Variants in COX19 observed in about 807,000 individuals in gnomAD.
COX19 encodes cytochrome c oxidase assembly factor COX19, also known as cytochrome c oxidase assembly protein COX19.
Under a neutral mutation model 6.8 loss-of-function variants are expected in COX19, and 8 were observed. The ratio of observed to expected loss-of-function variants is 1.18; its 90% confidence interval spans 0.69 to 2.12. The LOEUF (loss-of-function observed/expected upper bound fraction) is 2.12, where lower values mean the gene tolerates loss of function less well. Among genes scored for constraint, COX19 ranks in the 30% most tolerant of loss-of-function variants. COX19 has a pLI of 0.00. For synonymous variants in COX19, 51 were observed against 38.0 expected, an observed-to-expected ratio of 1.34 and a Z score of -1.26; for missense variants, 131 against 104.6, an observed-to-expected ratio of 1.25 and a Z score of -1.10.
chr7:975,277 C>T, intron 1 of COX19, 151 bp downstream of exon 1: 3 of 599,050 alleles, frequency 5.0e-6, no homozygotes, highest in East Asian at 6.8e-5. Context: ...CAGCAGTGAC[C>T]CAGGGCTGGG....
intron 2 of COX19, among the ~76,000 whole-genome samples, chr7:971,917 C>A (rs1452649810): frequency 6.6e-6 from 1 of 152,162 alleles, no homozygotes; most frequent in Non-Finnish European, 1.5e-5. Flanking sequence ...AATCAGAACA[C>A]ATGCCCTGAA....
chr7:972,969 C>T (rs1315032351), intron 2 of COX19: 5 of 340,710 alleles, frequency 1.5e-5, no homozygotes, highest in Admixed American at 4.8e-5. Flanking sequence ...ATAACGCTAT[C>T]GCTCAAGAAG....
chr7:972,005 C>T (rs527964715), intron 2 of COX19, among the ~76,000 whole-genome samples: 1 of 152,320 alleles, frequency 6.6e-6, no homozygotes, highest in African/African-American at 2.4e-5. Flanking sequence ...CCCAGCTGTC[C>T]TCGGGAGTCT....
chr7:975,478 C>G lies in COX19; in HGVS notation c.32G>C (p.Ser11Thr). Residue 11 changes from serine (S) to threonine (T), a missense_variant, in exon 1 of 3, where the codon AGC (serine) becomes ACC (threonine). Transcript: ENST00000344111. MSTAMNFGTK[S>T]FQPRPPDKGS... is the part of the protein sequence containing the mutation. ...CTTGTCCGGGGGCCGCGGCTGGAAG[C>G]TCTTGGTCCCGAAATTCATGGCGGT... 6.2e-7 allele frequency: 1 copy of G among 1,603,108 alleles called. No individual in the cohort carries two copies. Among genetic ancestry groups the G allele is most frequent in the South Asian group, 1.1e-5 (1 of 89,544 alleles).
chr7:973,020 T>A (rs749648876), intron 2 of COX19, 161 bp downstream of exon 2: 1 of 413,248 alleles, frequency 2.4e-6, no homozygotes, highest in African/African-American at 2.1e-5. Context: ...TACAATTTCA[T>A]CTGATAAGCC....
chr7:975,441 C>G lies in COX19; in HGVS notation c.69G>C (p.Pro23=). 6.3e-7 allele frequency: 1 copy of G among 1,597,354 alleles called. No individual in the cohort carries two copies. The highest frequency in any genetic ancestry group is 8.5e-7 in the Non-Finnish European group (1 of 1,173,812). Residue 23 remains proline, a synonymous_variant, in exon 1 of 3, where the codon CCG becomes CCC. Coordinates refer to ENST00000344111, the MANE Select transcript of COX19 (RefSeq NM_001031617.3). The part of the protein sequence containing the change: ...QPRPPDKGSF[P]LDHLGECKSF... ...TCCGCCGCTCACCTAAGTGATCCAGCGGGAAGCTGCCCTTGTCCGGGGGCC... is the reference window on the plus strand; with the variant it reads ...TCCGCCGCTCACCTAAGTGATCCAGGGGGAAGCTGCCCTTGTCCGGGGGCC...
At chr7:973,395 C>T (rs1303754880) in intron 1 of COX19, 103 bp from the exon 2 acceptor site, 33 of 1,381,308 alleles carry the variant, frequency 2.4e-5, no homozygotes, top group Middle Eastern at 2.0e-4. Flanking sequence ...AAACTTGTTT[C>T]CTCAGGCCGG....
chr7:969,550 C>T, intron 2 of COX19, 94 bp from the exon 3 acceptor site: 1 of 798,432 alleles, frequency 1.3e-6, no homozygotes, highest in Non-Finnish European at 2.1e-6. Flanking sequence ...CACCGGGGGT[C>T]CTGCCACCTC....
intron 1 of COX19, among the ~76,000 whole-genome samples, chr7:974,327 C>T (rs945653204): frequency 3.3e-5 from 5 of 150,592 alleles, no homozygotes; most frequent in Admixed American, 1.3e-4. Flanking sequence ...GAGGATGAGA[C>T]GGGAGACTCC....
Position 967,111 on chromosome 7 carries a change from G to A in COX19, c.*2267C>T, listed in dbSNP as rs950695258. ...AGATGCCGAGGTTGCTAAGATCTCC[G>A]GTAAGAACACAGTGCCCATCTGTGA... On this transcript the variant is annotated 3_prime_UTR_variant, in exon 3 of 3. Transcript: ENST00000344111. The A allele has an allele frequency of 1.3e-5, 2 of 152,186 alleles. No individual in the cohort carries two copies. Among genetic ancestry groups the A allele is most frequent in the East Asian group, 1.9e-4 (1 of 5,202 alleles). The allele number at this position is 152,186 out of a possible 1,614,324, so 9.4% of individuals were successfully genotyped here.
chr7:972,081 C>T (rs1407189902), intron 2 of COX19, among the ~76,000 whole-genome samples: 1 of 152,178 alleles, frequency 6.6e-6, no homozygotes, highest in Non-Finnish European at 1.5e-5. Context: ...GCTCAATTCA[C>T]ACCGTCTCTA....
Position 975,444 on chromosome 7 carries a change from G to A in COX19, c.66C>T (p.Phe22=). 1 of 1,598,490 alleles carries A rather than the reference G, an allele frequency of 6.3e-7. No individual in the cohort carries two copies. Among genetic ancestry groups the A allele is most frequent in the Non-Finnish European group, 8.5e-7 (1 of 1,174,280 alleles). The change falls in exon 1 of 3, where the codon TTC becomes TTT. Residue 22 remains phenylalanine (F), a synonymous_variant. Coordinates refer to ENST00000344111, the MANE Select transcript of COX19 (RefSeq NM_001031617.3). ...FQPRPPDKGS[F]PLDHLGECKS... is the part of the protein sequence containing the mutation. ...GCCGCTCACCTAAGTGATCCAGCGGGAAGCTGCCCTTGTCCGGGGGCCGCG... is the reference window on the plus strand; with the variant it reads ...GCCGCTCACCTAAGTGATCCAGCGGAAAGCTGCCCTTGTCCGGGGGCCGCG...
intron 2 of COX19, among the ~76,000 whole-genome samples, chr7:970,148 T>TC (rs1353764044): frequency 1.3e-5 from 2 of 151,924 alleles, no homozygotes; most frequent in Non-Finnish European, 2.9e-5. Flanking sequence ...TTTCTTTTTT[T>TC]CTCCCAGAAA....
In COX19 at chr7:965,867, G is replaced by T. The variant is rs550596572; in HGVS notation, c.*3511C>A. Among the ~76,000 whole-genome samples, 93 of 152,230 alleles carry T rather than the reference G, an allele frequency of 6.1e-4. No individual in the cohort carries two copies. Among genetic ancestry groups the T allele is most frequent in the African/African-American group, 2.2e-3 (90 of 41,546 alleles). On this transcript the variant is annotated 3_prime_UTR_variant, in exon 3 of 3. Transcript: ENST00000344111. ...TTGGCCAGGCTGGCCTTGAACTCCT[G>T]GCCTCAAGTGATCTGCCTGCCTCGG... is the stretch of plus-strand genomic sequence containing the variant.
At position 973,200 on chromosome 7, in the gene COX19, A is replaced by G; in HGVS notation, c.175T>C (p.Leu59=). 1 of 1,600,062 alleles carries G rather than the reference A, an allele frequency of 6.2e-7. No individual in the cohort carries two copies. The highest frequency in any genetic ancestry group is 8.5e-7 in the Non-Finnish European group (1 of 1,173,960). Residue 59 remains leucine (L), a synonymous_variant, in exon 2 of 3, where the codon TTA becomes CTA. Transcript: ENST00000344111. ...ACTCACCTCTCCATCCTGCATTCTAAATATTCTTTTGATTCCTTTCTGCAC... is the reference window on the plus strand; with the variant it reads ...ACTCACCTCTCCATCCTGCATTCTAGATATTCTTTTGATTCCTTTCTGCAC... ...ALCRKESKEY[L]ECRMERKLML...
chr7:975,321 T>G (rs1046508976), intron 1 of COX19, 107 bp downstream of exon 1: 1 of 865,686 alleles, frequency 1.2e-6, no homozygotes, highest in Non-Finnish European at 1.7e-6. Context: ...TGCCTCAGTT[T>G]CCCCGCCTGC....
intron 2 of COX19, among the ~76,000 whole-genome samples, chr7:971,370 ATG>A (rs1445110112): frequency 6.6e-6 from 1 of 152,226 alleles, no homozygotes; most frequent in Admixed American, 6.5e-5. Flanking sequence ...GAGTAAAGTA[ATG>A]TCTAGGATTT....
At position 966,077 on chromosome 7, in the gene COX19, A is replaced by G. The variant is rs1014420122; in HGVS notation, c.*3301T>C. 3 of 151,814 alleles carry G rather than the reference A, an allele frequency of 2.0e-5. No individual in the cohort carries two copies. Among genetic ancestry groups the G allele is most frequent in the African/African-American group, 7.3e-5 (3 of 41,324 alleles). The allele number at this position is 151,814 out of a possible 1,614,324, so 9.4% of individuals were successfully genotyped here. On this transcript the variant is annotated 3_prime_UTR_variant, in exon 3 of 3. Coordinates refer to ENST00000344111, the MANE Select transcript of COX19 (RefSeq NM_001031617.3). ...CACTGACATGTTTACGCAATTACTT[A>G]TGTTGTATAGACTACTGGATATCAA...
At chr7:971,569 C>T (rs537180917) in intron 2 of COX19, among the ~76,000 whole-genome samples, 1 of 151,892 alleles carries the variant, frequency 6.6e-6, no homozygotes, top group African/African-American at 2.4e-5. Flanking sequence ...AAAAAAACAA[C>T]AAAAACAAAA....
Sources: allele counts gnomAD v4.1 joint callset (sites outside exome capture counted in the v4.1 genomes callset), GRCh38; gene constraint gnomAD v4.1.1; transcripts MANE v1.5; gene names NCBI Gene and HGNC (gene_info 2026-07-23, HGNC 2026-07-21).